SLC30A7: variants seen among roughly 807,000 people sequenced by gnomAD.
The protein encoded by SLC30A7 is zinc transporter 7.
In SLC30A7, 35 loss-of-function variants were observed where a neutral mutation model predicts 46.0. The ratio of observed to expected loss-of-function variants is 0.76; its 90% CI spans 0.58 to 1.01. SLC30A7 has a LOEUF of 1.01. SLC30A7 is among the 50% of genes least tolerant of loss of function. The pLI is 0.00. For missense variants in SLC30A7, 464 were observed against 451.1 expected, an observed-to-expected ratio of 1.03 and a Z score of -0.26; for synonymous variants, 147 against 157.8, an observed-to-expected ratio of 0.93 and a Z score of 0.51.
At chr1:100,938,206 T>G (rs1248282721) in intron 8 of SLC30A7, among the ~76,000 whole-genome samples, 1 of 152,220 alleles carries the variant, frequency 6.6e-6, no homozygotes, top group African/African-American at 2.4e-5. Flanking sequence ...TTGACTATTA[T>G]GGGTTTCTTG....
chr1:100,942,685 A>G (rs1161934782), intron 8 of SLC30A7, among the ~76,000 whole-genome samples: 2 of 152,232 alleles, frequency 1.3e-5, no homozygotes, highest in Admixed American at 1.3e-4. Flanking sequence ...GGCAGAAAAC[A>G]AATGTATTAG....
chr1:100,987,390 G>T, the SLC30A7 span, among the ~76,000 whole-genome samples: 1 of 152,168 alleles, frequency 6.6e-6, no homozygotes. Flanking sequence ...TCCCCAAATG[G>T]CATTGAGGCT....
chr1:100,964,641 C>T (rs1166955792), intron 9 of SLC30A7, among the ~76,000 whole-genome samples: 1 of 152,026 alleles, frequency 6.6e-6, no homozygotes, highest in Non-Finnish European at 1.5e-5. Context: ...TAAAATTAAG[C>T]CAGTTTCTAC....
intron 8 of SLC30A7, among the ~76,000 whole-genome samples, chr1:100,938,976 C>T (rs1013715385): frequency 6.6e-6 from 1 of 152,186 alleles, no homozygotes; most frequent in Non-Finnish European, 1.5e-5. Context: ...CCTCCTCTCT[C>T]TAGTAGTCTG....
chr1:100,941,079 T>C (rs1430569068), intron 8 of SLC30A7: 8 of 319,320 alleles, frequency 2.5e-5, no homozygotes, highest in African/African-American at 1.8e-4. Context: ...CTTGGTTTCA[T>C]AGTTTAGAAA....
chr1:100,981,671 A>G lies in SLC30A7; in HGVS notation c.*6814A>G, dbSNP rs940989665. 10 of 152,358 alleles carry G rather than the reference A, an allele frequency of 6.6e-5. No individual in the cohort carries two copies. The highest frequency in any genetic ancestry group is 3.3e-4 in the Admixed American group (5 of 15,298). The allele number at this position is 152,358 out of a possible 1,614,324, so 9.4% of individuals were successfully genotyped here. The stretch of plus-strand genomic sequence containing the variant: ...TTTCTACTTGAACACATTCATGTAT[A>G]TATTTTGTTAAACTTCATATGTATT... On this transcript the variant is annotated 3_prime_UTR_variant, in exon 11 of 11. Coordinates refer to ENST00000357650, the MANE Select transcript of SLC30A7 (RefSeq NM_133496.5).
chr1:100,962,267 C>T (rs1001932038), intron 9 of SLC30A7, among the ~76,000 whole-genome samples: 1 of 152,056 alleles, frequency 6.6e-6, no homozygotes, highest in Non-Finnish European at 1.5e-5. Flanking sequence ...ACAGACAGTG[C>T]CTCTGTTTCA....
At chr1:100,910,367 C>T (rs1652005727) in intron 3 of SLC30A7, among the ~76,000 whole-genome samples, 1 of 152,048 alleles carries the variant, frequency 6.6e-6, no homozygotes, top group Non-Finnish European at 1.5e-5. Flanking sequence ...ATGCTTCACA[C>T]AGGTAGGAAG....
chr1:100,948,040 C>G (rs1463039838), intron 8 of SLC30A7, among the ~76,000 whole-genome samples: 2 of 152,096 alleles, frequency 1.3e-5, no homozygotes, highest in East Asian at 3.8e-4. Context: ...GGCATTTAAC[C>G]CATTTACATT....
intron 8 of SLC30A7, among the ~76,000 whole-genome samples, chr1:100,953,424 T>G (rs1012932595): frequency 6.6e-6 from 1 of 152,244 alleles, no homozygotes; most frequent in Non-Finnish European, 1.5e-5. Flanking sequence ...TTGTCATTTC[T>G]GAAGCTACCT....
intron 8 of SLC30A7, among the ~76,000 whole-genome samples, chr1:100,957,685 T>G (rs1655302512): frequency 6.6e-6 from 1 of 152,190 alleles, no homozygotes; most frequent in Non-Finnish European, 1.5e-5. Flanking sequence ...AGATTGAGAT[T>G]GGAGAAGAAA....
In SLC30A7 at chr1:100,896,337, G is replaced by T; in HGVS notation, c.75G>T (p.Trp25Cys). The T allele has an allele frequency of 6.2e-7, 1 of 1,614,180 alleles. No homozygotes were observed. Among genetic ancestry groups the T allele is most frequent in the Non-Finnish European group, 8.5e-7 (1 of 1,180,020 alleles). ...KFNLFGKISG[W>C]FRSILSDKTS... The stretch of plus-strand genomic sequence containing the variant: ...ATTTGTTCGGCAAGATCTCGGGCTG[G>T]TTTAGGTGCGGGGTGCTGTGTTTGC... Residue 25 changes from tryptophan to cysteine, a missense_variant, in exon 1 of 11, where the codon TGG becomes TGT. Physicochemically the swap from Trp to Cys is radical, Grantham distance 215. Transcript: ENST00000357650.
In SLC30A7 at chr1:100,902,850, C is replaced by T. The variant is rs578087888; in HGVS notation, c.183-4002C>T. Among the ~76,000 whole-genome samples the T allele has an allele frequency of 1.2e-4, 18 of 152,236 alleles. No individual in the cohort carries two copies. In the South Asian group the frequency reaches 2.9e-3, roughly 25 times the overall value. On this transcript the variant is annotated intron_variant, in intron 2 of 10. Transcript: ENST00000357650. Reference sequence around the variant, plus strand: ...AATGAGTCCATTTCTAATAAAGTCACGTTCTCAGGTACTAGAGGTTAGGAC... The same window carrying T: ...AATGAGTCCATTTCTAATAAAGTCATGTTCTCAGGTACTAGAGGTTAGGAC...
At chr1:100,965,973 A>G in intron 10 of SLC30A7, 55 bp downstream of exon 10, 1 of 1,482,206 alleles carries the variant, frequency 6.7e-7, no homozygotes, top group Non-Finnish European at 9.2e-7. Context: ...TATAACTAGT[A>G]GTTTTAAAAA....
chr1:100,992,776 C>T, the SLC30A7 span: 39 of 1,376,140 alleles, frequency 2.8e-5, 1 homozygote, highest in South Asian at 3.7e-4. Context: ...TGTTCTTAGC[C>T]ATGAAACTAC....
chr1:100,907,470 G>T (rs1332011155), intron 3 of SLC30A7, among the ~76,000 whole-genome samples: 4 of 152,042 alleles, frequency 2.6e-5, no homozygotes, highest in Admixed American at 6.6e-5. Context: ...CATCTTAGAG[G>T]CATAATTTGA....
chr1:100,943,297 G>T (rs1420640641), intron 8 of SLC30A7, among the ~76,000 whole-genome samples: 1 of 152,172 alleles, frequency 6.6e-6, no homozygotes, highest in African/African-American at 2.4e-5. Context: ...ACTCAGGGAA[G>T]CATGTTTACT....
intron 8 of SLC30A7, among the ~76,000 whole-genome samples, chr1:100,946,968 GT>G: frequency 6.6e-6 from 1 of 152,150 alleles, no homozygotes; most frequent in Non-Finnish European, 1.5e-5. Flanking sequence ...TTCAGAGCTT[GT>G]TACTGGTCTA....
intron 10 of SLC30A7, among the ~76,000 whole-genome samples, chr1:100,967,546 A>G (rs1383889902): frequency 2.6e-5 from 4 of 152,124 alleles, no homozygotes; most frequent in Non-Finnish European, 4.4e-5. Context: ...TGTGTTAAAA[A>G]TCTGTGGTTG....
Sources: gnomAD v4.1 joint callset for allele counts (sites outside exome capture counted in the v4.1 genomes callset) on GRCh38, gnomAD v4.1.1 for gene constraint, MANE v1.5 for transcripts, NCBI Gene and HGNC (gene_info 2026-07-23, HGNC 2026-07-21) for gene names.